FANCA: variants seen among roughly 807,000 people sequenced by gnomAD.
The protein encoded by FANCA is FA complementation group A, also known as Fanconi anemia group A protein.
A neutral mutation model predicts 194.3 loss-of-function variants in FANCA; 236 were observed. The observed-to-expected ratio is 1.21, with a 90% CI of 1.09 to 1.35. The LOEUF is 1.35. FANCA is among the 40% of genes most tolerant of loss of function. The probability of loss-of-function intolerance (pLI) is 0.00; values close to 1 mark genes in which losing one functional copy is unlikely to be tolerated. For missense variants in FANCA, 2,628 were observed against 1,813.9 expected, an observed-to-expected ratio of 1.45 and a Z score of -8.15; for synonymous variants, 1,014 against 715.8, an observed-to-expected ratio of 1.42 and a Z score of -6.65.
At chr16:89,785,851 G>GTATT (rs1598142247) in intron 14 of FANCA, among the ~76,000 whole-genome samples, 1 of 91,706 alleles carries the variant, frequency 1.1e-5, no homozygotes, top group Non-Finnish European at 1.9e-5. Context: ...GTGCAAAATT[G>GTATT]TGTTTTGTTT....
chr16:89,739,313 A>C (rs376189323), intron 40 of FANCA, 24 bp from the exon 41 acceptor site: 14 of 1,613,938 alleles, frequency 8.7e-6, no homozygotes, highest in Non-Finnish European at 8.5e-7. Context: ...CATAGTGACA[A>C]ATGGCTACAG....
chr16:89,772,975 G>C (rs919887842), intron 22 of FANCA, among the ~76,000 whole-genome samples: 2 of 152,148 alleles, frequency 1.3e-5, no homozygotes, highest in Non-Finnish European at 2.9e-5. Flanking sequence ...AGGATGAGCG[G>C]GAAAACAGGC....
At chr16:89,811,198 G>T in intron 3 of FANCA, 127 bp from the exon 4 acceptor site, 1 of 1,122,454 alleles carries the variant, frequency 8.9e-7, no homozygotes, top group Non-Finnish European at 1.3e-6. Context: ...TAAACGGGGA[G>T]AATAGATGCA....
At chr16:89,779,998 C>T in intron 17 of FANCA, 41 bp from the exon 18 acceptor site, 1 of 1,580,280 alleles carries the variant, frequency 6.3e-7, no homozygotes, top group South Asian at 1.1e-5. Context: ...GAACAGAGGA[C>T]TTTAAAGAAA....
In FANCA at chr16:89,775,731, C is replaced by T. The variant is rs1371452775; in HGVS notation, c.1900+11G>A. The T allele has an allele frequency of 6.2e-7, 1 of 1,608,338 alleles. No individual in the cohort carries two copies. Among genetic ancestry groups the T allele is most frequent in the South Asian group, 1.1e-5 (1 of 89,964 alleles). Reference sequence around the variant, plus strand: ...CAAGTCCCAGAGTGGACAAGCGGCCCAGGAACTTACCTTCTGGCTTCTCTT... The same window carrying T: ...CAAGTCCCAGAGTGGACAAGCGGCCTAGGAACTTACCTTCTGGCTTCTCTT... On this transcript the variant is annotated intron_variant, in intron 21 of 42. Transcript: ENST00000389301.
At chr16:89,806,351 T>TC (rs1483485161) in intron 6 of FANCA, among the ~76,000 whole-genome samples, 1 of 148,704 alleles carries the variant, frequency 6.7e-6, no homozygotes, top group Non-Finnish European at 1.5e-5. Context: ...ATCATTCTTT[T>TC]TTTTTTTTTT....
chr16:89,816,225 G>A (rs1201757618), intron 1 of FANCA: 12 of 514,852 alleles, frequency 2.3e-5, no homozygotes, highest in South Asian at 2.1e-4. Flanking sequence ...CTGGCGAGGG[G>A]CGGCCTCTGC....
At chr16:89,800,275 G>A (rs2040398772) in intron 8 of FANCA, among the ~76,000 whole-genome samples, 1 of 152,212 alleles carries the variant, frequency 6.6e-6, no homozygotes. Flanking sequence ...TGATGCCTCT[G>A]GAGCCAGAAG....
Position 89,743,509 on chromosome 16 carries a change from CA to C in FANCA, c.3627-572del, listed in dbSNP as rs1434240323. Among the ~76,000 whole-genome samples, 14 of 151,774 alleles carry C rather than the reference CA, an allele frequency of 9.2e-5. No individual in the cohort carries two copies. In the East Asian group the frequency reaches 2.7e-3, roughly 29 times the overall value. On this transcript the variant is annotated intron_variant, in intron 36 of 42. Transcript: ENST00000389301. ...CAGTTTGAGATCTGCCTGGGCAACACAGTGAGACTCAATCTCAAATAAACAA... is the reference window on the plus strand; with the variant it reads ...CAGTTTGAGATCTGCCTGGGCAACACGTGAGACTCAATCTCAAATAAACAA...
At chr16:89,788,368 G>T (rs1334462815) in intron 14 of FANCA, among the ~76,000 whole-genome samples, 1 of 152,148 alleles carries the variant, frequency 6.6e-6, no homozygotes, top group Non-Finnish European at 1.5e-5. Flanking sequence ...GGCTGAAACA[G>T]GAGAATCGCT....
chr16:89,758,445 G>A, intron 30 of FANCA, 132 bp downstream of exon 30: 2 of 1,007,016 alleles, frequency 2.0e-6, no homozygotes, highest in Non-Finnish European at 3.1e-6. Flanking sequence ...CTGACATTTG[G>A]GTATAGGCTG....
Position 89,740,882 on chromosome 16 carries a change from T to C in FANCA, c.3766-16A>G. The stretch of plus-strand genomic sequence containing the variant: ...AAACCAATAGCTGTAAATAAAAACG[T>C]GCACTTATTATTACATTAAAATTAC... On this transcript the variant is annotated splice_polypyrimidine_tract_variant and intron_variant, in intron 37 of 42. Coordinates refer to ENST00000389301, the MANE Select transcript of FANCA (RefSeq NM_000135.4). 3 of 1,603,786 alleles carry C rather than the reference T, an allele frequency of 1.9e-6. No individual in the cohort carries two copies. Among genetic ancestry groups the C allele is most frequent in the Non-Finnish European group, 2.6e-6 (3 of 1,172,734 alleles).
chr16:89,741,674 G>T (rs1458512623), intron 37 of FANCA, among the ~76,000 whole-genome samples: 1 of 152,144 alleles, frequency 6.6e-6, no homozygotes, highest in Non-Finnish European at 1.5e-5. Context: ...CCCTGGCCTG[G>T]AATTCAAGAG....
At chr16:89,800,148 C>T (rs2040394690) in intron 8 of FANCA, among the ~76,000 whole-genome samples, 1 of 152,194 alleles carries the variant, frequency 6.6e-6, no homozygotes. Context: ...GGCCTGAGGC[C>T]ATGAGCCTAG....
intron 29 of FANCA, among the ~76,000 whole-genome samples, chr16:89,761,642 T>C (rs1205283229): frequency 3.9e-5 from 6 of 152,158 alleles, no homozygotes; most frequent in African/African-American, 1.4e-4. Context: ...CTTTTTCTTT[T>C]GAGATAGGGT....
In FANCA at chr16:89,752,126, C is replaced by T. The variant is rs747301847; in HGVS notation, c.3066+12G>A. On this transcript the variant is annotated intron_variant, in intron 31 of 42. Coordinates refer to ENST00000389301, the MANE Select transcript of FANCA (RefSeq NM_000135.4). The stretch of plus-strand genomic sequence containing the variant: ...AAGTGAATGCACTGAGTTGTGGCAC[C>T]CTCAAACTCACCTGCAATCTGGAAA... The T allele has an allele frequency of 1.9e-6, 3 of 1,611,708 alleles. No homozygotes were observed. Among genetic ancestry groups the T allele is most frequent in the Non-Finnish European group, 2.5e-6 (3 of 1,177,946 alleles).
At chr16:89,762,901 G>C (rs537848317) in intron 28 of FANCA, 31 of 261,458 alleles carry the variant, frequency 1.2e-4, no homozygotes, top group African/African-American at 6.9e-4. Flanking sequence ...AGCAGATTGA[G>C]ACCATCCTAG....
chr16:89,816,406 C>G (rs1190486952), intron 1 of FANCA, 131 bp downstream of exon 1: 1 of 789,720 alleles, frequency 1.3e-6, no homozygotes, highest in Admixed American at 4.6e-5. Context: ...GGCGCCCACC[C>G]CGCACAGCCC....
chr16:89,789,621 A>G (rs563103059), intron 14 of FANCA, among the ~76,000 whole-genome samples: 6 of 151,936 alleles, frequency 3.9e-5, no homozygotes, highest in Non-Finnish European at 8.8e-5. Context: ...TACATTCTGT[A>G]GAGACCGGGG....
Sources: allele counts gnomAD v4.1 joint callset (sites outside exome capture counted in the v4.1 genomes callset), GRCh38; gene constraint gnomAD v4.1.1; transcripts MANE v1.5; gene names NCBI Gene and HGNC (gene_info 2026-07-23, HGNC 2026-07-21).